SYCP2: variants seen among roughly 807,000 people sequenced by gnomAD.
SYCP2 encodes synaptonemal complex lateral element protein.
Under a neutral mutation model 211.3 loss-of-function variants are expected in SYCP2, and 55 were observed. That is an observed-to-expected ratio of 0.26 (90% CI 0.21 to 0.33). The LOEUF (loss-of-function observed/expected upper bound fraction) is 0.33. Ranked by LOEUF, SYCP2 falls within the 10% of genes least tolerant of loss-of-function variation. SYCP2 has a pLI of 1.00. For missense variants in SYCP2, 1,731 were observed against 1,752.0 expected, an observed-to-expected ratio of 0.99 and a Z score of 0.21; for synonymous variants, 570 against 555.2, an observed-to-expected ratio of 1.03 and a Z score of -0.37.
intron 15 of SYCP2, among the ~76,000 whole-genome samples, chr20:59,904,641 T>C (rs1431254485): frequency 6.6e-6 from 1 of 152,180 alleles, no homozygotes; most frequent in Admixed American, 6.5e-5. Flanking sequence ...CAACAACATA[T>C]GACTGATCGA....
intron 20 of SYCP2, among the ~76,000 whole-genome samples, chr20:59,894,002 A>T (rs545959967): frequency 1.3e-5 from 2 of 152,164 alleles, no homozygotes; most frequent in South Asian, 4.1e-4. Flanking sequence ...TTATCATCAG[A>T]TATCGAAGAG....
chr20:59,887,258 T>C (rs1360900491), intron 24 of SYCP2, among the ~76,000 whole-genome samples: 1 of 152,160 alleles, frequency 6.6e-6, no homozygotes, highest in Admixed American at 6.6e-5. Context: ...GGTGTTTTTT[T>C]GTCCTTGCAA....
rs772428962 is a variant in SYCP2 at position 59,882,176 on chromosome 20, G to A, written c.2530-11C>T. The A allele has an allele frequency of 1.3e-6, 2 of 1,598,482 alleles. No individual in the cohort carries two copies. Among genetic ancestry groups the A allele is most frequent in the South Asian group, 2.2e-5 (2 of 89,940 alleles). On this transcript the variant is annotated splice_polypyrimidine_tract_variant and intron_variant, in intron 26 of 44. Coordinates refer to ENST00000357552, the MANE Select transcript of SYCP2 (RefSeq NM_014258.4). Reference sequence around the variant, plus strand: ...TTTCTGAACTTTTTCCTGAAAAGAGGGTTATAAAAAAATCATTAAATGGCT... The same window carrying A: ...TTTCTGAACTTTTTCCTGAAAAGAGAGTTATAAAAAAATCATTAAATGGCT...
At chr20:59,879,375 T>C (rs2059622615) in intron 31 of SYCP2, among the ~76,000 whole-genome samples, 1 of 150,044 alleles carries the variant, frequency 6.7e-6, no homozygotes, top group African/African-American at 2.4e-5. Context: ...AGATTCAGCT[T>C]CATTTCTAAA....
At chr20:59,928,191 T>C (rs2060668922) in intron 2 of SYCP2, among the ~76,000 whole-genome samples, 1 of 152,176 alleles carries the variant, frequency 6.6e-6, no homozygotes, top group African/African-American at 2.4e-5. Flanking sequence ...CAGAGGACCT[T>C]TGAGAGATTC....
At position 59,871,551 on chromosome 20, in the gene SYCP2, C is replaced by T. The variant is rs1028702156; in HGVS notation, c.3556-1568G>A. Among the ~76,000 whole-genome samples the T allele has an allele frequency of 4.0e-5, 6 of 151,880 alleles. No individual in the cohort carries two copies. The East Asian group carries it at 1.2e-3, about 29-fold the overall frequency. On this transcript the variant is annotated intron_variant, in intron 35 of 44. Transcript: ENST00000357552. The stretch of plus-strand genomic sequence containing the variant: ...AGATGGTGGGTGGGGATTACCTAGG[C>T]TTGGAGATTTTGCAAGGTGGCATAC...
Position 59,895,499 on chromosome 20 carries a change from T to C in SYCP2, c.1603A>G (p.Asn535Asp). Reference protein sequence around the residue: ...VSQTSENRVDNAASLKSRSSE... With the variant: ...VSQTSENRVDDAASLKSRSSE... The stretch of plus-strand genomic sequence containing the variant: ...GATCTAGATTTCAGTGATGCAGCAT[T>C]ATCCACTCTATTTTCTGATGTTTGA... Residue 535 changes from asparagine to aspartate, a missense_variant, in exon 20 of 45, where the codon AAT (asparagine) becomes GAT (aspartate). Asn to Asp is a conservative substitution (Grantham distance 23). Coordinates refer to ENST00000357552, the MANE Select transcript of SYCP2 (RefSeq NM_014258.4). 1 of 1,613,254 alleles carries C rather than the reference T, an allele frequency of 6.2e-7. No individual in the cohort carries two copies. The highest frequency in any genetic ancestry group is 8.5e-7 in the Non-Finnish European group (1 of 1,179,396).
chr20:59,884,780 T>C lies in SYCP2; in HGVS notation c.2529+1148A>G, dbSNP rs200871439. Among the ~76,000 whole-genome samples, 4 of 151,956 alleles carry C rather than the reference T, an allele frequency of 2.6e-5. No homozygotes were observed. In the East Asian group the frequency reaches 5.8e-4, roughly 22 times the overall value. On this transcript the variant is annotated intron_variant, in intron 26 of 44. Coordinates refer to ENST00000357552, the MANE Select transcript of SYCP2 (RefSeq NM_014258.4). ...GGTAAGCAAAAGGCAGCAATGGTAT[T>C]ATAGAGAATACAAAGATGAGCACAA...
chr20:59,872,348 T>C (rs1950911410), intron 35 of SYCP2, among the ~76,000 whole-genome samples: 1 of 152,006 alleles, frequency 6.6e-6, no homozygotes, highest in African/African-American at 2.4e-5. Context: ...ATGCTGTATA[T>C]GCTACCTGCC....
At chr20:59,881,537 TA>T in intron 28 of SYCP2, 45 bp from the exon 29 acceptor site, 1 of 927,152 alleles carries the variant, frequency 1.1e-6, no homozygotes, top group South Asian at 1.8e-5. Flanking sequence ...AGTGTCAAAA[TA>T]AAAAAGATTA....
At chr20:59,906,014 T>C (rs1419460725) in intron 15 of SYCP2, among the ~76,000 whole-genome samples, 1 of 152,078 alleles carries the variant, frequency 6.6e-6, no homozygotes, top group Non-Finnish European at 1.5e-5. Flanking sequence ...ACTGAATACT[T>C]GGGAACAAAT....
chr20:59,864,414 A>C (rs1291866848), intron 44 of SYCP2, 26 bp from the exon 45 acceptor site: 3 of 1,496,208 alleles, frequency 2.0e-6, no homozygotes, highest in Non-Finnish European at 2.7e-6. Context: ...AAAAAATCAC[A>C]CTTAGATTTC....
chr20:59,899,717 T>C (rs1450251179), intron 18 of SYCP2, among the ~76,000 whole-genome samples: 1 of 152,096 alleles, frequency 6.6e-6, no homozygotes, highest in Non-Finnish European at 1.5e-5. Context: ...GAGAAATTAT[T>C]CTCTTGGATG....
chr20:59,889,754 G>A (rs575920210), intron 24 of SYCP2, among the ~76,000 whole-genome samples: 8 of 152,026 alleles, frequency 5.3e-5, no homozygotes, highest in Admixed American at 3.9e-4. Context: ...AGTATAATTG[G>A]AGCCAGCCTG....
intron 35 of SYCP2, among the ~76,000 whole-genome samples, chr20:59,871,996 G>A (rs1308778740): frequency 6.6e-6 from 1 of 151,986 alleles, no homozygotes; most frequent in African/African-American, 2.4e-5. Context: ...TCAAATTGTG[G>A]TCTGTAGAAA....
chr20:59,909,467 T>G (rs971297296), intron 14 of SYCP2, among the ~76,000 whole-genome samples: 1 of 152,186 alleles, frequency 6.6e-6, no homozygotes, highest in African/African-American at 2.4e-5. Context: ...GCCTCCTAAC[T>G]GCCTCTAGTG....
At position 59,886,822 on chromosome 20, in the gene SYCP2, T is replaced by C; in HGVS notation, c.2377A>G (p.Lys793Glu). Reference protein sequence around the residue: ...SKQKKMREKSKGKEFTNVAES... With the variant: ...SKQKKMREKSEGKEFTNVAES... ...GCTACATTGGTAAATTCTTTCCCTT[T>C]TGACTTTTCTCTCTGAAAAAAATTG... The change falls in exon 25 of 45, where the codon AAA (lysine) becomes GAA (glutamate). Residue 793 changes from lysine to glutamate, a missense_variant. Physicochemically the swap from Lys to Glu is moderately conservative, Grantham distance 56. Transcript: ENST00000357552. 6.3e-7 allele frequency: 1 copy of C among 1,577,402 alleles called. No individual in the cohort carries two copies. Among genetic ancestry groups the C allele is most frequent in the Non-Finnish European group, 8.6e-7 (1 of 1,169,280 alleles).
chr20:59,905,054 C>T (rs2060188794), intron 15 of SYCP2, among the ~76,000 whole-genome samples: 1 of 152,096 alleles, frequency 6.6e-6, no homozygotes, highest in Admixed American at 6.6e-5. Flanking sequence ...TAACATTGTA[C>T]TGAAAATTAT....
At chr20:59,872,701 G>C (rs1277325124) in intron 35 of SYCP2, among the ~76,000 whole-genome samples, 1 of 151,904 alleles carries the variant, frequency 6.6e-6, no homozygotes, top group Non-Finnish European at 1.5e-5. Context: ...TAAGAGTTTT[G>C]TAACAGGAAT....
Sources: gnomAD v4.1 joint callset for allele counts (sites outside exome capture counted in the v4.1 genomes callset) on GRCh38, gnomAD v4.1.1 for gene constraint, MANE v1.5 for transcripts, NCBI Gene and HGNC (gene_info 2026-07-23, HGNC 2026-07-21) for gene names.